Variants in TRPC4 observed in about 807,000 individuals in gnomAD.
TRPC4 encodes short transient receptor potential channel 4.
TRPC4 carries 49 observed loss-of-function variants against 99.4 expected under a neutral mutation model. That is an observed-to-expected ratio of 0.49 (90% CI 0.39 to 0.63). TRPC4 has a LOEUF of 0.63. TRPC4 is among the 20% of genes least tolerant of loss of function. The pLI is 0.00. For missense variants in TRPC4, 898 were observed against 1,152.9 expected, an observed-to-expected ratio of 0.78 and a Z score of 3.20; for synonymous variants, 454 against 425.9, an observed-to-expected ratio of 1.07 and a Z score of -0.81.
Position 37,812,176 on chromosome 13 carries a change from C to CAAAAAAAAAAA in TRPC4, c.-27-28827_-27-28817dup, listed in dbSNP as rs61607544. On this transcript the variant is annotated intron_variant, in intron 1 of 10. Coordinates refer to ENST00000379705, the MANE Select transcript of TRPC4 (RefSeq NM_016179.4). ...CCTAGGCAACAGACTGAGACTCTAT[C>CAAAAAAAAAAA]AAAAAAAAAAAAAAAAAAACCAGGA... Among the ~76,000 whole-genome samples the CAAAAAAAAAAA allele has an allele frequency of 4.4e-3, 244 of 55,126 alleles. 20 individuals carry two copies. The highest frequency in any genetic ancestry group is 0.014 in the African/African-American group (181 of 12,672). The allele number at this position is 55,126 out of a possible 152,430, so 36.2% of individuals were successfully genotyped here.
chr13:37,726,378 T>G (rs1292753483), intron 3 of TRPC4, among the ~76,000 whole-genome samples: 2 of 152,112 alleles, frequency 1.3e-5, no homozygotes, highest in Admixed American at 1.3e-4. Flanking sequence ...AAAAAGAAAC[T>G]GTATTTTTGT....
chr13:37,777,991 A>G (rs1435963402), intron 2 of TRPC4, among the ~76,000 whole-genome samples: 1 of 152,062 alleles, frequency 6.6e-6, no homozygotes, highest in Non-Finnish European at 1.5e-5. Flanking sequence ...ACACCATGGT[A>G]AGGAGTGTCT....
At position 37,633,457 on chromosome 13, in the gene TRPC4, T is replaced by C. The variant is rs1333254091; in HGVS notation, c.*3446A>G. Among the ~76,000 whole-genome samples, 2 of 152,168 alleles carry C rather than the reference T, an allele frequency of 1.3e-5. No homozygotes were observed. Among genetic ancestry groups the C allele is most frequent in the Admixed American group, 6.6e-5 (1 of 15,264 alleles). On this transcript the variant is annotated 3_prime_UTR_variant, in exon 11 of 11. Transcript: ENST00000379705. ...GTGGCCTCTCTTCAATAAAGAGCTG[T>C]GAGACTGGATAGTCATTTACTCAGC... is the stretch of plus-strand genomic sequence containing the variant.
At chr13:37,828,879 G>T (rs1236025172) in intron 1 of TRPC4, among the ~76,000 whole-genome samples, 1 of 152,068 alleles carries the variant, frequency 6.6e-6, no homozygotes, top group Non-Finnish European at 1.5e-5. Flanking sequence ...CTACCTATCA[G>T]GTGCTGTGCT....
chr13:37,648,960 T>G (rs1423944361), intron 8 of TRPC4, among the ~76,000 whole-genome samples: 1 of 152,030 alleles, frequency 6.6e-6, no homozygotes, highest in East Asian at 1.9e-4. Flanking sequence ...TCTCTGCCAT[T>G]GCCTAAAATT....
Position 37,746,433 on chromosome 13 carries a change from T to G in TRPC4, c.401A>C (p.Lys134Thr). The G allele has an allele frequency of 6.2e-7, 1 of 1,602,138 alleles. No homozygotes were observed. The highest frequency in any genetic ancestry group is 1.4e-5 in the African/African-American group (1 of 71,198). ...GTCTGGAGTGAATTCAGAGAACTGC[T>G]TATCAAGGAGTATAGGAGGCACCTA... ...EKQVPPILLD[K>T]QFSEFTPDIT... The change falls in exon 3 of 11, where the codon AAG (lysine) becomes ACG (threonine). Residue 134 changes from lysine to threonine, a missense_variant. By Grantham distance (78) the Lys-to-Thr change is moderately conservative. Around this residue, in one of 3 missense-constraint regions of TRPC4, gnomAD observed 278 missense variants for 346.6 expected, o/e 0.80. Coordinates refer to ENST00000379705, the MANE Select transcript of TRPC4 (RefSeq NM_016179.4).
chr13:37,715,814 C>T (rs1465278771), intron 3 of TRPC4, among the ~76,000 whole-genome samples: 1 of 152,090 alleles, frequency 6.6e-6, no homozygotes, highest in Non-Finnish European at 1.5e-5. Flanking sequence ...GGTCATTATC[C>T]AGAATTGGCC....
In TRPC4 at chr13:37,811,039, C is replaced by T. The variant is rs1034390738; in HGVS notation, c.-27-27679G>A. Among the ~76,000 whole-genome samples, 15 of 152,166 alleles carry T rather than the reference C, an allele frequency of 9.9e-5. 1 individual carries two copies. In the Middle Eastern group the frequency reaches 0.014, roughly 139 times the overall value. On this transcript the variant is annotated intron_variant, in intron 1 of 10. Transcript: ENST00000379705. ...ATATTCCCAGATCTTCTTTCAAATACATTGTTAATGTCATCTAAAATTCCT... is the reference window on the plus strand; with the variant it reads ...ATATTCCCAGATCTTCTTTCAAATATATTGTTAATGTCATCTAAAATTCCT...
At chr13:37,638,968 A>T in intron 10 of TRPC4, 72 bp downstream of exon 10, 3 of 1,513,288 alleles carry the variant, frequency 2.0e-6, no homozygotes, top group Non-Finnish European at 2.7e-6. Flanking sequence ...TCCAGCTCTG[A>T]TTTTAAATGT....
intron 3 of TRPC4, among the ~76,000 whole-genome samples, chr13:37,694,338 C>T (rs1232978712): frequency 6.6e-6 from 1 of 152,170 alleles, no homozygotes; most frequent in Admixed American, 6.5e-5. Context: ...CTAAGTAACT[C>T]ATTCCGTGCA....
intron 1 of TRPC4, among the ~76,000 whole-genome samples, chr13:37,828,417 G>A (rs1958314446): frequency 6.6e-6 from 1 of 152,202 alleles, no homozygotes; most frequent in Non-Finnish European, 1.5e-5. Flanking sequence ...ATTGTGGAAA[G>A]CAGTTTGGAG....
At chr13:37,758,196 A>G (rs1279658511) in intron 2 of TRPC4, among the ~76,000 whole-genome samples, 3 of 151,970 alleles carry the variant, frequency 2.0e-5, no homozygotes, top group Non-Finnish European at 4.4e-5. Flanking sequence ...AAGAAATCCT[A>G]TTCTACATAA....
rs1375763942 is a variant in TRPC4, at chr13:37,633,327, G to A, written c.*3576C>T. Among the ~76,000 whole-genome samples, 2 of 152,046 alleles carry A rather than the reference G, an allele frequency of 1.3e-5. No homozygotes were observed. The highest frequency in any genetic ancestry group is 4.8e-5 in the African/African-American group (2 of 41,412). Reference sequence around the variant, plus strand: ...GGCCACAATGGATGGTTCTTACTAGGTTGAGTTTTAAGGACACTGAGCATG... The same window carrying A: ...GGCCACAATGGATGGTTCTTACTAGATTGAGTTTTAAGGACACTGAGCATG... On this transcript the variant is annotated 3_prime_UTR_variant, in exon 11 of 11. Transcript: ENST00000379705.
intron 1 of TRPC4, among the ~76,000 whole-genome samples, chr13:37,837,803 G>A (rs1163333700): frequency 2.0e-5 from 3 of 152,120 alleles, no homozygotes; most frequent in Non-Finnish European, 4.4e-5. Context: ...GATGTGGGAC[G>A]AGCCAGGGGT....
In TRPC4 at chr13:37,639,115, G is replaced by C. The variant is rs1296246562; in HGVS notation, c.2136C>G (p.Asn712Lys). The C allele has an allele frequency of 1.9e-6, 3 of 1,613,450 alleles. No individual in the cohort carries two copies. Among genetic ancestry groups the C allele is most frequent in the African/African-American group, 2.7e-5 (2 of 74,854 alleles). Residue 712 changes from asparagine to lysine, a missense_variant, in exon 10 of 11, where the codon AAC becomes AAG. By Grantham distance (94) the Asn-to-Lys change is moderately conservative. Transcript: ENST00000379705. The stretch of plus-strand genomic sequence containing the variant: ...TTGCAGCAACGTATCGCTTCACCAG[G>C]TTCCTCATAACTTCCTGAGGCATTT... ...RHHQYQEVMR[N>K]LVKRYVAAMI...
intron 4 of TRPC4, among the ~76,000 whole-genome samples, chr13:37,685,016 T>G (rs2138835789): frequency 1.3e-5 from 2 of 152,226 alleles, no homozygotes; most frequent in East Asian, 3.9e-4. Flanking sequence ...ATGTTTTAGA[T>G]TAGAAAAAAG....
chr13:37,759,290 TA>T (rs1482878342), intron 2 of TRPC4, among the ~76,000 whole-genome samples: 1 of 151,778 alleles, frequency 6.6e-6, no homozygotes, highest in Admixed American at 6.6e-5. Context: ...TATTTAAATG[TA>T]AAAAACAAAA....
At chr13:37,803,983 T>A (rs903673718) in intron 1 of TRPC4, among the ~76,000 whole-genome samples, 1 of 152,110 alleles carries the variant, frequency 6.6e-6, no homozygotes, top group Non-Finnish European at 1.5e-5. Context: ...GATTTAAGAT[T>A]TTCTACCTAA....
At chr13:37,742,981 G>A (rs757010849) in intron 3 of TRPC4, among the ~76,000 whole-genome samples, 4 of 152,018 alleles carry the variant, frequency 2.6e-5, no homozygotes, top group Non-Finnish European at 5.9e-5. Context: ...TTCAATCAGA[G>A]AAAAATATTC....
Sources: gnomAD v4.1 joint callset for allele counts (sites outside exome capture counted in the v4.1 genomes callset) on GRCh38, gnomAD v4.1.1 for gene constraint, gnomAD v4.1.1 regional missense constraint, MANE v1.5 for transcripts, NCBI Gene and HGNC (gene_info 2026-07-23, HGNC 2026-07-21) for gene names.